TRPC7: variants seen among roughly 807,000 people sequenced by gnomAD.
The protein encoded by TRPC7 is short transient receptor potential channel 7.
In TRPC7, 42 loss-of-function variants were observed where a neutral mutation model predicts 90.1. The ratio of observed to expected loss-of-function variants is 0.47; its 90% confidence interval spans 0.36 to 0.60. The LOEUF (loss-of-function observed/expected upper bound fraction) is 0.60. Ranked by LOEUF, TRPC7 falls within the 20% of genes least tolerant of loss-of-function variation. TRPC7 has a pLI of 0.00. For missense variants in TRPC7, 955 were observed against 1,112.3 expected (o/e 0.86, Z 2.01); for synonymous variants, 451 against 436.3 (o/e 1.03, Z -0.42).
At chr5:136,251,148 C>A (rs977086824) in intron 6 of TRPC7, among the ~76,000 whole-genome samples, 1 of 152,134 alleles carries the variant, frequency 6.6e-6, no homozygotes, top group East Asian at 1.9e-4. Context: ...AAACTGTAAG[C>A]CTTTGCATTT....
chr5:136,306,777 C>T (rs1350183408), intron 3 of TRPC7, among the ~76,000 whole-genome samples: 1 of 152,194 alleles, frequency 6.6e-6, no homozygotes, highest in Non-Finnish European at 1.5e-5. Flanking sequence ...TAATCTCCCC[C>T]ACCCTTAAGA....
chr5:136,315,472 A>G, intron 3 of TRPC7, 125 bp downstream of exon 3: 7 of 1,042,524 alleles, frequency 6.7e-6, no homozygotes, highest in Non-Finnish European at 9.7e-6. Flanking sequence ...TCCCTGTCTA[A>G]AGAGAATCTG....
chr5:136,329,182 C>T (rs1307642939), intron 2 of TRPC7, among the ~76,000 whole-genome samples: 1 of 152,106 alleles, frequency 6.6e-6, no homozygotes, highest in Non-Finnish European at 1.5e-5. Flanking sequence ...GTTTTTTTAA[C>T]AAGTCCCCTC....
At position 136,357,201 on chromosome 5, in the gene TRPC7, G is replaced by T. The variant is rs762524681; in HGVS notation, c.187C>A (p.Leu63Met). 2 of 1,613,910 alleles carry T rather than the reference G, an allele frequency of 1.2e-6. No homozygotes were observed. The highest frequency in any genetic ancestry group is 1.7e-6 in the Non-Finnish European group (2 of 1,179,996). ...YGNIPVVRKMLEESKTLNFNC... is the reference protein window; with the variant it reads ...YGNIPVVRKMMEESKTLNFNC... ...AAGTTAAGGGTCTTGGACTCCTCCA[G>T]CATTTTCCGGACCACCGGGATGTTG... Residue 63 changes from leucine (L) to methionine (M), a missense_variant, in exon 2 of 12, where the codon CTG (leucine) becomes ATG (methionine). Leu to Met is a conservative substitution (Grantham distance 15). This residue lies in a region of TRPC7 where 161 missense variants were observed against 145.7 expected (regional missense o/e 1.10). Transcript: ENST00000513104.
chr5:136,270,919 A>T (rs956856244), intron 4 of TRPC7, among the ~76,000 whole-genome samples: 4 of 152,164 alleles, frequency 2.6e-5, no homozygotes, highest in Admixed American at 2.6e-4. Context: ...ATGCTTCAAA[A>T]ATTGTGTTGT....
At chr5:136,225,045 C>A (rs1475753110) in intron 10 of TRPC7, among the ~76,000 whole-genome samples, 1 of 152,162 alleles carries the variant, frequency 6.6e-6, no homozygotes, top group Non-Finnish European at 1.5e-5. Context: ...TGTTTATTGT[C>A]CATCATCACT....
At chr5:136,312,395 A>G (rs1309003827) in intron 3 of TRPC7, among the ~76,000 whole-genome samples, 2 of 152,192 alleles carry the variant, frequency 1.3e-5, no homozygotes, top group Non-Finnish European at 2.9e-5. Context: ...GTCATCACTG[A>G]ATGACAGCAA....
intron 3 of TRPC7, among the ~76,000 whole-genome samples, chr5:136,299,734 C>T (rs1267425216): frequency 6.6e-6 from 1 of 152,064 alleles, no homozygotes; most frequent in Non-Finnish European, 1.5e-5. Flanking sequence ...AGTCACAGAT[C>T]CTTGGGGAAG....
In TRPC7 at chr5:136,251,558, A is replaced by G. The variant is rs549367983; in HGVS notation, c.1579+91T>C. The G allele has an allele frequency of 4.6e-5, 48 of 1,045,526 alleles. No homozygotes were observed. The South Asian group carries it at 7.2e-4, about 16-fold the overall frequency. The allele number at this position is 1,045,526 out of a possible 1,614,324, so 64.8% of individuals were successfully genotyped here. A position where few individuals can be genotyped will look rare whatever the true frequency, so the allele number is the denominator to read the frequency against. On this transcript the variant is annotated intron_variant, in intron 6 of 11. Transcript: ENST00000513104. ...CAAATCATGGGCCACTTGATTACAA[A>G]TAGCGTTACAAGTTCACCAGCCACA...
intron 5 of TRPC7, among the ~76,000 whole-genome samples, chr5:136,258,334 T>G (rs113371097): frequency 0.037 from 5,628 of 152,282 alleles, 129 homozygotes; most frequent in Non-Finnish European, 0.055. Context: ...AGTATTTTAG[T>G]GAGTGAAATT....
At chr5:136,292,839 C>A (rs1181845738) in intron 3 of TRPC7, among the ~76,000 whole-genome samples, 17 of 151,804 alleles carry the variant, frequency 1.1e-4, no homozygotes, top group Non-Finnish European at 2.4e-4. Context: ...GAGACACAAC[C>A]AAAAAAGAGA....
At chr5:136,350,283 C>T (rs565431011) in intron 2 of TRPC7, among the ~76,000 whole-genome samples, 1 of 152,168 alleles carries the variant, frequency 6.6e-6, no homozygotes, top group African/African-American at 2.4e-5. Flanking sequence ...GGTTCCAGGG[C>T]CAACCTCCTC....
intron 2 of TRPC7, among the ~76,000 whole-genome samples, chr5:136,325,339 T>G (rs1759313524): frequency 6.6e-6 from 1 of 152,136 alleles, no homozygotes. Flanking sequence ...TTGAGGAATT[T>G]TATTGCAAAA....
chr5:136,297,498 G>C (rs1321575506), intron 3 of TRPC7, among the ~76,000 whole-genome samples: 2 of 151,820 alleles, frequency 1.3e-5, no homozygotes, highest in African/African-American at 4.8e-5. Context: ...TATATATTAA[G>C]TATGTAATAG....
intron 7 of TRPC7, among the ~76,000 whole-genome samples, chr5:136,237,113 G>A (rs971080618): frequency 1.3e-5 from 2 of 152,154 alleles, no homozygotes; most frequent in African/African-American, 2.4e-5. Context: ...GAAAGCAGTT[G>A]GACCAGGTTT....
At chr5:136,325,118 A>T (rs1028725715) in intron 2 of TRPC7, among the ~76,000 whole-genome samples, 1 of 152,230 alleles carries the variant, frequency 6.6e-6, no homozygotes. Flanking sequence ...TGTTTAAAAC[A>T]TTTTAATTGT....
At chr5:136,281,361 A>C (rs1757545912) in intron 3 of TRPC7, among the ~76,000 whole-genome samples, 1 of 152,248 alleles carries the variant, frequency 6.6e-6, no homozygotes. Flanking sequence ...GCCAGGACCC[A>C]GGTTAATGTG....
chr5:136,289,419 C>A (rs576220813), intron 3 of TRPC7, among the ~76,000 whole-genome samples: 1 of 152,302 alleles, frequency 6.6e-6, no homozygotes, highest in Admixed American at 6.5e-5. Context: ...ACAGATGGCA[C>A]CTGGAAAATC....
intron 10 of TRPC7, among the ~76,000 whole-genome samples, chr5:136,221,857 T>C (rs551575981): frequency 1.2e-3 from 185 of 152,306 alleles, no homozygotes; most frequent in African/African-American, 4.4e-3. Context: ...TGTATGTGAA[T>C]GATGGATGTG....
Sources: allele counts gnomAD v4.1 joint callset (sites outside exome capture counted in the v4.1 genomes callset), GRCh38; gene constraint gnomAD v4.1.1; regional missense constraint gnomAD v4.1.1; transcripts MANE v1.5; gene names NCBI Gene and HGNC (gene_info 2026-07-23, HGNC 2026-07-21).